Variants in HERPUD2 observed in about 807,000 individuals in gnomAD.
The protein encoded by HERPUD2 is homocysteine-responsive endoplasmic reticulum-resident ubiquitin-like domain member 2 protein.
Under a neutral mutation model 49.9 loss-of-function variants are expected in HERPUD2, and 13 were observed. The ratio of observed to expected loss-of-function variants is 0.26; its 90% CI spans 0.17 to 0.41. HERPUD2 has a LOEUF of 0.41. HERPUD2 is among the 10% of genes least tolerant of loss of function. The probability of loss-of-function intolerance (pLI) is 1.00; values close to 1 mark genes in which losing one functional copy is unlikely to be tolerated. For missense variants in HERPUD2, 449 were observed against 492.2 expected, an observed-to-expected ratio of 0.91 and a Z score of 0.83; for synonymous variants, 172 against 171.4, an observed-to-expected ratio of 1.00 and a Z score of -0.03.
At chr7:35,660,921 G>A (rs950989349) in intron 5 of HERPUD2, among the ~76,000 whole-genome samples, 1 of 152,166 alleles carries the variant, frequency 6.6e-6, no homozygotes, top group African/African-American at 2.4e-5. Context: ...TGATGCCATT[G>A]CTTTTGGTGT....
In HERPUD2 at chr7:35,660,594, G is replaced by A. The variant is rs188680465; in HGVS notation, c.494+6840C>T. On this transcript the variant is annotated intron_variant, in intron 5 of 8. Transcript: ENST00000311350. ...TCTAACTGGTGTGAGATGGCATCTC[G>A]TTGTGGTTTTGATTTGCATTTCGCT... Among the ~76,000 whole-genome samples, 1,054 of 152,230 alleles carry A rather than the reference G, an allele frequency of 6.9e-3. 11 individuals are homozygous for A. The highest frequency in any genetic ancestry group is 0.024 in the African/African-American group (997 of 41,538).
At chr7:35,672,466 G>A (rs1486872696) in intron 3 of HERPUD2, among the ~76,000 whole-genome samples, 1 of 151,864 alleles carries the variant, frequency 6.6e-6, no homozygotes, top group East Asian at 1.9e-4. Flanking sequence ...GTTTCCCATA[G>A]GTGATCATAA....
chr7:35,692,262 T>C lies in HERPUD2; in HGVS notation c.147+1922A>G, dbSNP rs190669336. Among the ~76,000 whole-genome samples the C allele has an allele frequency of 7.9e-5, 12 of 152,312 alleles. No homozygotes were observed. In the East Asian group the frequency reaches 1.7e-3, roughly 22 times the overall value. ...AGACCTCCTGCCAAAAGCAGGCCTC[T>C]TCATGGGTAGATAAGGCAGACAGGC... is the stretch of plus-strand genomic sequence containing the variant. On this transcript the variant is annotated intron_variant, in intron 2 of 8. Coordinates refer to ENST00000311350, the MANE Select transcript of HERPUD2 (RefSeq NM_022373.5).
At chr7:35,668,179 A>G (rs1279270106) in intron 4 of HERPUD2, among the ~76,000 whole-genome samples, 1 of 152,218 alleles carries the variant, frequency 6.6e-6, no homozygotes, top group Non-Finnish European at 1.5e-5. Flanking sequence ...ACTTTCCTAC[A>G]GAAAATGAGA....
chr7:35,677,504 G>A (rs1462769027), intron 2 of HERPUD2, among the ~76,000 whole-genome samples: 1 of 152,130 alleles, frequency 6.6e-6, no homozygotes, highest in African/African-American at 2.4e-5. Context: ...TAATCTTGAT[G>A]GTGTAGCAGG....
chr7:35,641,513 C>T (rs1167165002), intron 5 of HERPUD2, among the ~76,000 whole-genome samples: 3 of 152,076 alleles, frequency 2.0e-5, no homozygotes, highest in Admixed American at 6.6e-5. Flanking sequence ...CCTGAATAGC[C>T]AAGGCAATCC....
chr7:35,694,190 G>A lies in HERPUD2; in HGVS notation c.141C>T (p.Ser47=), dbSNP rs774669567. 2 of 1,614,130 alleles carry A rather than the reference G, an allele frequency of 1.2e-6. No individual in the cohort carries two copies. The highest frequency in any genetic ancestry group is 1.7e-6 in the Non-Finnish European group (2 of 1,180,014). The part of the protein sequence containing the change: ...LKTHLSNVYP[S]KPLTKDQRLV... Reference sequence around the variant, plus strand: ...CCAGCTTTTACACACTTACTGGTTTGCTAGGGTAAACGTTAGATAGATGCG... The same window carrying A: ...CCAGCTTTTACACACTTACTGGTTTACTAGGGTAAACGTTAGATAGATGCG... The change falls in exon 2 of 9, where the codon AGC becomes AGT. Residue 47 remains serine, a synonymous_variant. Transcript: ENST00000311350.
chr7:35,661,176 A>T (rs1785411552), intron 5 of HERPUD2, among the ~76,000 whole-genome samples: 2 of 152,220 alleles, frequency 1.3e-5, no homozygotes, highest in Non-Finnish European at 2.9e-5. Context: ...TTTGTGAAAG[A>T]TCAGATGGCT....
At chr7:35,636,323 C>T (rs531500718) in intron 6 of HERPUD2, among the ~76,000 whole-genome samples, 30 of 152,246 alleles carry the variant, frequency 2.0e-4, no homozygotes, top group Non-Finnish European at 3.8e-4. Context: ...ATAAGTGGTT[C>T]CCAGGCTACA....
chr7:35,666,349 C>A (rs1391955750), intron 5 of HERPUD2, among the ~76,000 whole-genome samples: 1 of 152,178 alleles, frequency 6.6e-6, no homozygotes, highest in South Asian at 2.1e-4. Flanking sequence ...GCTATATATT[C>A]AGCTTTGTTT....
At chr7:35,668,809 A>C (rs2115959774) in intron 4 of HERPUD2, among the ~76,000 whole-genome samples, 1 of 152,308 alleles carries the variant, frequency 6.6e-6, no homozygotes, top group Middle Eastern at 3.4e-3. Context: ...GGTGTTCATT[A>C]ATACAATTAT....
intron 6 of HERPUD2, among the ~76,000 whole-genome samples, chr7:35,635,902 C>T (rs1333121542): frequency 2.0e-5 from 3 of 152,154 alleles, no homozygotes; most frequent in Non-Finnish European, 2.9e-5. Context: ...TATTATTATA[C>T]TGTGTGTCTA....
chr7:35,691,611 T>G (rs1019565647), intron 2 of HERPUD2, among the ~76,000 whole-genome samples: 6 of 152,224 alleles, frequency 3.9e-5, no homozygotes, highest in African/African-American at 1.4e-4. Context: ...AGTAGGCATA[T>G]GTGCAAGGAA....
intron 5 of HERPUD2, 88 bp downstream of exon 5, chr7:35,667,346 T>C: frequency 1.8e-6 from 2 of 1,129,034 alleles, no homozygotes; most frequent in South Asian, 1.5e-5. Context: ...GTACTTTAAT[T>C]ACTGCAAAGA....
At chr7:35,674,337 T>G (rs1785703059) in intron 2 of HERPUD2, among the ~76,000 whole-genome samples, 1 of 121,474 alleles carries the variant, frequency 8.2e-6, no homozygotes, top group African/African-American at 3.2e-5. Context: ...ATATAAACAA[T>G]CAAATACAGT....
intron 2 of HERPUD2, among the ~76,000 whole-genome samples, chr7:35,690,710 G>A (rs141942687): frequency 1.2e-3 from 182 of 152,272 alleles, no homozygotes; most frequent in African/African-American, 4.3e-3. Context: ...TTGGGAGGCT[G>A]AGGCAGGAGA....
At chr7:35,673,883 A>G (rs1470556799) in intron 2 of HERPUD2, among the ~76,000 whole-genome samples, 1 of 152,184 alleles carries the variant, frequency 6.6e-6, no homozygotes, top group Non-Finnish European at 1.5e-5. Context: ...TCAAAAACAC[A>G]AGACTAAAGA....
chr7:35,655,415 A>G (rs1308584581), intron 5 of HERPUD2, among the ~76,000 whole-genome samples: 1 of 152,250 alleles, frequency 6.6e-6, no homozygotes, highest in Non-Finnish European at 1.5e-5. Context: ...AGAATGATTC[A>G]ATAGATGCAA....
At chr7:35,653,288 A>T (rs1583547512) in intron 5 of HERPUD2, among the ~76,000 whole-genome samples, 1 of 152,224 alleles carries the variant, frequency 6.6e-6, no homozygotes, top group South Asian at 2.1e-4. Flanking sequence ...TCCTTATAAC[A>T]GATAAAACAG....
Sources: gnomAD v4.1 joint callset for allele counts (sites outside exome capture counted in the v4.1 genomes callset) on GRCh38, gnomAD v4.1.1 for gene constraint, MANE v1.5 for transcripts, NCBI Gene and HGNC (gene_info 2026-07-23, HGNC 2026-07-21) for gene names.